Variants in DCC observed in about 807,000 individuals in gnomAD.
DCC encodes the protein netrin receptor DCC.
A neutral mutation model predicts 172.5 loss-of-function variants in DCC; 58 were observed. The observed-to-expected ratio is 0.34, with a 90% CI of 0.27 to 0.42. The LOEUF (loss-of-function observed/expected upper bound fraction) is 0.42, where lower values mean the gene tolerates loss of function less well. DCC is among the 10% of genes least tolerant of loss of function. DCC has a pLI of 1.00. For missense variants in DCC, 1,740 were observed against 1,791.0 expected, an observed-to-expected ratio of 0.97 and a Z score of 0.51; for synonymous variants, 709 against 644.5, an observed-to-expected ratio of 1.10 and a Z score of -1.52.
chr18:53,411,604 T>A (rs1001537999), intron 20 of DCC, among the ~76,000 whole-genome samples: 3 of 152,118 alleles, frequency 2.0e-5, no homozygotes, highest in Non-Finnish European at 2.9e-5. Context: ...TCCTCAAATC[T>A]TCTAGGAAAG....
intron 1 of DCC, among the ~76,000 whole-genome samples, chr18:52,399,798 TC>T: frequency 6.6e-6 from 1 of 152,026 alleles, no homozygotes; most frequent in Non-Finnish European, 1.5e-5. Context: ...GACTGTAAGT[TC>T]CCTGAGAGTG....
intron 2 of DCC, chr18:52,818,304 C>A (rs1041334404): frequency 6.6e-6 from 1 of 151,242 alleles, no homozygotes; most frequent in African/African-American, 2.4e-5. Flanking sequence ...CCCAGCTACT[C>A]GGGAGGCTGA....
At chr18:53,498,181 C>G (rs941954311) in intron 26 of DCC, among the ~76,000 whole-genome samples, 6 of 152,220 alleles carry the variant, frequency 3.9e-5, no homozygotes, top group African/African-American at 1.2e-4. Context: ...TCTTAAATCT[C>G]TATTCCCTTC....
At chr18:53,283,376 C>A (rs2144732469) in intron 12 of DCC, among the ~76,000 whole-genome samples, 1 of 152,146 alleles carries the variant, frequency 6.6e-6, no homozygotes, top group South Asian at 2.1e-4. Flanking sequence ...TTTCTTCCTT[C>A]CCCTATTTCT....
At chr18:52,417,490 C>G (rs928413821) in intron 1 of DCC, among the ~76,000 whole-genome samples, 8 of 152,146 alleles carry the variant, frequency 5.3e-5, no homozygotes, top group African/African-American at 1.7e-4. Flanking sequence ...TCCATTCTCC[C>G]CGTCACTTTC....
intron 1 of DCC, among the ~76,000 whole-genome samples, chr18:52,649,249 T>C (rs2035078098): frequency 6.6e-6 from 1 of 151,930 alleles, no homozygotes; most frequent in South Asian, 2.1e-4. Flanking sequence ...GGCAGGCACC[T>C]GCAGTTTCAG....
At chr18:53,486,774 C>T (rs1429316502) in intron 25 of DCC, 23 bp from the exon 26 acceptor site, 1 of 1,613,980 alleles carries the variant, frequency 6.2e-7, no homozygotes, top group Non-Finnish European at 8.5e-7. Context: ...TTCAAAAAAC[C>T]CATTAACCTT....
intron 10 of DCC, among the ~76,000 whole-genome samples, chr18:53,206,368 G>T (rs1283171187): frequency 2.7e-5 from 1 of 36,860 alleles, no homozygotes; most frequent in Non-Finnish European, 7.3e-5. Context: ...TATATGTATT[G>T]TAACACATAT....
At chr18:53,310,379 AT>A (rs1419533348) in intron 13 of DCC, among the ~76,000 whole-genome samples, 6 of 152,118 alleles carry the variant, frequency 3.9e-5, no homozygotes, top group Non-Finnish European at 1.5e-5. Flanking sequence ...AAAATTGGAA[AT>A]TTCAGAATGC....
intron 5 of DCC, among the ~76,000 whole-genome samples, chr18:52,945,344 A>G (rs572855209): frequency 3.3e-5 from 5 of 152,298 alleles, no homozygotes; most frequent in South Asian, 2.1e-4. Flanking sequence ...CACAAATTTA[A>G]TAGTGAAAAT....
chr18:53,466,158 C>T (rs959874019), intron 24 of DCC, among the ~76,000 whole-genome samples: 1 of 152,148 alleles, frequency 6.6e-6, no homozygotes, highest in Non-Finnish European at 1.5e-5. Flanking sequence ...GGTCTCAAAA[C>T]ATCCTCCTGC....
At chr18:53,508,302 C>T (rs1184046941) in intron 27 of DCC, among the ~76,000 whole-genome samples, 1 of 151,974 alleles carries the variant, frequency 6.6e-6, no homozygotes, top group Non-Finnish European at 1.5e-5. Context: ...TGGTTATCCT[C>T]TCGCCTCAGC....
chr18:53,381,267 A>G (rs893879234), intron 15 of DCC, among the ~76,000 whole-genome samples: 2 of 152,164 alleles, frequency 1.3e-5, no homozygotes, highest in African/African-American at 4.8e-5. Context: ...GAAAGACTGA[A>G]AGGTAATAAT....
At chr18:52,586,174 CTG>C (rs1383827093) in intron 1 of DCC, among the ~76,000 whole-genome samples, 2 of 149,816 alleles carry the variant, frequency 1.3e-5, no homozygotes, top group African/African-American at 4.9e-5. Flanking sequence ...TGAATCAAAT[CTG>C]AATAATCCAA....
At chr18:52,431,559 T>C (rs1476554850) in intron 1 of DCC, among the ~76,000 whole-genome samples, 1 of 152,114 alleles carries the variant, frequency 6.6e-6, no homozygotes, top group Non-Finnish European at 1.5e-5. Context: ...AAGAAAAAAG[T>C]ATTGTTCGTC....
At chr18:53,131,127 C>T (rs1283577737) in intron 7 of DCC, among the ~76,000 whole-genome samples, 1 of 152,028 alleles carries the variant, frequency 6.6e-6, no homozygotes, top group Non-Finnish European at 1.5e-5. Flanking sequence ...AGACTCTCTT[C>T]ATCATGAGGG....
intron 25 of DCC, among the ~76,000 whole-genome samples, chr18:53,482,322 T>C (rs960326938): frequency 4.6e-5 from 7 of 152,124 alleles, no homozygotes; most frequent in African/African-American, 1.4e-4. Context: ...TGCAGAAACA[T>C]ACAACAGATT....
rs140306043 is a variant in DCC, at chr18:52,799,352, T to C, written c.412+46978T>C. On this transcript the variant is annotated intron_variant, in intron 2 of 28. Coordinates refer to ENST00000442544, the MANE Select transcript of DCC (RefSeq NM_005215.4). ...TCATTTTATAAAAAGGAAATAAACT[T>C]CATCAAAGGTAAGAGAATTTTTGTT... 9.5e-4 allele frequency among the ~76,000 whole-genome samples: 145 copies of C among 152,308 alleles called. 5 individuals carry two copies. In the East Asian group the frequency reaches 0.025, roughly 26 times the overall value.
At chr18:53,487,809 A>ACATAATATCTACAGAATAGAGTTGT (rs2045918749) in intron 26 of DCC, among the ~76,000 whole-genome samples, 1 of 152,192 alleles carries the variant, frequency 6.6e-6, no homozygotes, top group Non-Finnish European at 1.5e-5. Context: ...TTCTCACTGC[A>ACATAATATCTACAGAATAGAGTTGT]CATAATATCT....
Sources: allele counts gnomAD v4.1 joint callset (sites outside exome capture counted in the v4.1 genomes callset), GRCh38; gene constraint gnomAD v4.1.1; transcripts MANE v1.5; gene names NCBI Gene and HGNC (gene_info 2026-07-23, HGNC 2026-07-21).